Variants in SOS2 observed in about 807,000 individuals in gnomAD.
SOS2 encodes the protein SOS Ras/Rho guanine nucleotide exchange factor 2, also known as son of sevenless homolog 2.
SOS2 carries 65 observed loss-of-function variants against 148.2 expected under a neutral mutation model. That is an observed-to-expected ratio of 0.44 (90% CI 0.36 to 0.54). The LOEUF (loss-of-function observed/expected upper bound fraction) is 0.54, where lower values mean the gene tolerates loss of function less well. Ranked by LOEUF, SOS2 falls within the 20% of genes least tolerant of loss-of-function variation. The pLI is 0.00. For missense variants in SOS2, 1,341 were observed against 1,590.2 expected (o/e 0.84, Z 2.67); for synonymous variants, 539 against 537.1 (o/e 1.00, Z -0.05).
Position 50,130,707 on chromosome 14 carries a change from C to T in SOS2, c.3131G>A (p.Arg1044Gln), listed in dbSNP as rs1883841000. The stretch of plus-strand genomic sequence containing the variant: ...TAAAGTACCTGAGGTAGAGCCATGT[C>T]GGCCTGTGTTAGGCCTTATTCCAGG... Reference protein sequence around the residue: ...KSPGIRPNTGRHGSTSGTLRG... With the variant: ...KSPGIRPNTGQHGSTSGTLRG... The change falls in exon 20 of 23, where the codon CGA (arginine) becomes CAA (glutamine). Residue 1044 changes from arginine to glutamine, a missense_variant. Around this residue, in one of 4 missense-constraint regions of SOS2, gnomAD observed 408 missense variants for 506.6 expected, o/e 0.81. Coordinates refer to ENST00000216373, the MANE Select transcript of SOS2 (RefSeq NM_006939.4). The T allele has an allele frequency of 3.7e-6, 6 of 1,613,846 alleles. No individual in the cohort carries two copies. Among genetic ancestry groups the T allele is most frequent in the East Asian group, 2.2e-5 (1 of 44,876 alleles).
intron 5 of SOS2, among the ~76,000 whole-genome samples, chr14:50,186,905 C>G (rs1024007215): frequency 2.6e-5 from 4 of 152,196 alleles, no homozygotes; most frequent in African/African-American, 9.6e-5. Flanking sequence ...TAAATCTGTT[C>G]CTAACTTTAA....
chr14:50,121,426 C>G (rs1334421739), intron 21 of SOS2, among the ~76,000 whole-genome samples: 8 of 151,660 alleles, frequency 5.3e-5, no homozygotes, highest in African/African-American at 1.9e-4. Flanking sequence ...TTTAAACACT[C>G]TAACTGAACT....
At chr14:50,178,796 C>T (rs948068367) in intron 7 of SOS2, among the ~76,000 whole-genome samples, 57 of 151,100 alleles carry the variant, frequency 3.8e-4, no homozygotes, top group African/African-American at 1.3e-3. Context: ...TGTAGTGGCA[C>T]GATCTCGGCT....
chr14:50,180,821 C>T, intron 6 of SOS2, 139 bp from the exon 7 acceptor site: 1 of 485,208 alleles, frequency 2.1e-6, no homozygotes, highest in South Asian at 3.5e-5. Context: ...CCAGCTCGAG[C>T]AACAGAGTGA....
intron 8 of SOS2, among the ~76,000 whole-genome samples, chr14:50,171,950 T>G (rs1315376751): frequency 6.7e-6 from 1 of 149,680 alleles, no homozygotes; most frequent in Admixed American, 6.7e-5. Context: ...GGTATACATG[T>G]GCCTGCATTT....
At chr14:50,172,757 G>A (rs1478592889) in intron 8 of SOS2, among the ~76,000 whole-genome samples, 1 of 152,080 alleles carries the variant, frequency 6.6e-6, no homozygotes, top group African/African-American at 2.4e-5. Context: ...GTACTCATCA[G>A]TGAGTGTTTC....
At chr14:50,148,862 T>C (rs1276778594) in intron 14 of SOS2, among the ~76,000 whole-genome samples, 1 of 152,208 alleles carries the variant, frequency 6.6e-6, no homozygotes, top group Admixed American at 6.5e-5. Context: ...GTAATCTTTA[T>C]TTAAAAATTG....
At chr14:50,137,127 T>C (rs1287946535) in intron 18 of SOS2, among the ~76,000 whole-genome samples, 4 of 152,196 alleles carry the variant, frequency 2.6e-5, no homozygotes, top group Non-Finnish European at 5.9e-5. Context: ...GTTCCCAAGT[T>C]CAAGTATAAT....
rs370424178 is a variant in SOS2, at chr14:50,231,170, G to A, written c.87+27C>T. 1.1e-4 allele frequency: 142 copies of A among 1,341,704 alleles called. 1 individual carries two copies. The African/African-American group carries it at 1.9e-3, about 18-fold the overall frequency. 83.1% of individuals were successfully genotyped at this position (1,341,704 alleles called of 1,614,324 possible). The stretch of plus-strand genomic sequence containing the variant: ...AAGCTCGGGGGGCCACGGGCCACCC[G>A]CCGGCCGCCCCGCCCCTAGCACTGA... On this transcript the variant is annotated intron_variant, in intron 1 of 22. Transcript: ENST00000216373.
chr14:50,193,741 A>C (rs140303892), intron 4 of SOS2, among the ~76,000 whole-genome samples: 1 of 151,678 alleles, frequency 6.6e-6, no homozygotes, highest in Admixed American at 6.6e-5. Flanking sequence ...CCCACATATC[A>C]AGTCATCGGG....
intron 18 of SOS2, 81 bp downstream of exon 18, chr14:50,138,531 G>A: frequency 1.6e-6 from 1 of 616,896 alleles, no homozygotes. Flanking sequence ...CGATCCAATA[G>A]TATGTCTTAT....
At chr14:50,132,821 A>C (rs984530408) in intron 19 of SOS2, among the ~76,000 whole-genome samples, 5 of 152,300 alleles carry the variant, frequency 3.3e-5, no homozygotes, top group Non-Finnish European at 7.4e-5. Context: ...GCAGAAAAAC[A>C]ACCAGGAAAG....
chr14:50,159,532 A>G lies in SOS2; in HGVS notation c.1751T>C (p.Ile584Thr), dbSNP rs781407108. 1.2e-6 allele frequency: 2 copies of G among 1,613,726 alleles called. No homozygotes were observed. Among genetic ancestry groups the G allele is most frequent in the African/African-American group, 1.3e-5 (1 of 75,050 alleles). ...ACTTTGCAAGTTGTCTTCAAAAACAATGTTTTCCTCAGAGTCTTTTACTAC... is the reference window on the plus strand; with the variant it reads ...ACTTTGCAAGTTGTCTTCAAAAACAGTGTTTTCCTCAGAGTCTTTTACTAC... ...RFVVKDSEEN[I>T]VFEDNLQSRS... The change falls in exon 10 of 23, where the codon ATT becomes ACT. Residue 584 changes from isoleucine (I) to threonine (T), a missense_variant. Physicochemically the swap from Ile to Thr is moderately conservative, Grantham distance 89 (BLOSUM62 -1). Transcript: ENST00000216373.
chr14:50,194,556 A>G (rs1189739870), intron 4 of SOS2, among the ~76,000 whole-genome samples: 2 of 145,276 alleles, frequency 1.4e-5, no homozygotes, highest in African/African-American at 5.1e-5. Flanking sequence ...TGGATAGATC[A>G]CCTGAGGTCA....
At chr14:50,120,188 G>GTA (rs1883456555) in intron 22 of SOS2, 87 bp downstream of exon 22, 2 of 642,372 alleles carry the variant, frequency 3.1e-6, no homozygotes, top group Non-Finnish European at 5.5e-6. Context: ...GGTAGCCAAA[G>GTA]TATAATTCAC....
chr14:50,162,990 C>G (rs1336429044), intron 8 of SOS2, among the ~76,000 whole-genome samples: 2 of 150,812 alleles, frequency 1.3e-5, no homozygotes, highest in East Asian at 3.9e-4. Context: ...TTGCCTCAAC[C>G]TCCTGGACTC....
chr14:50,221,534 A>G (rs370913288), intron 1 of SOS2, among the ~76,000 whole-genome samples: 1 of 152,244 alleles, frequency 6.6e-6, no homozygotes. Context: ...GAAGTGCAAT[A>G]AATAAATCCT....
At chr14:50,135,203 G>A (rs1401149290) in intron 18 of SOS2, among the ~76,000 whole-genome samples, 1 of 151,700 alleles carries the variant, frequency 6.6e-6, no homozygotes, top group Non-Finnish European at 1.5e-5. Flanking sequence ...GCTCACACCT[G>A]TAATCCTAGC....
chr14:50,171,612 G>A (rs1885365985), intron 8 of SOS2, among the ~76,000 whole-genome samples: 2 of 146,278 alleles, frequency 1.4e-5, no homozygotes, highest in Admixed American at 7.0e-5. Context: ...TGAACCCAGG[G>A]GGCAGAGGTG....
Sources: gnomAD v4.1 joint callset for allele counts (sites outside exome capture counted in the v4.1 genomes callset) on GRCh38, gnomAD v4.1.1 for gene constraint, gnomAD v4.1.1 regional missense constraint, MANE v1.5 for transcripts, NCBI Gene and HGNC (gene_info 2026-07-23, HGNC 2026-07-21) for gene names.